FNIP1: variants seen among roughly 807,000 people sequenced by gnomAD.
FNIP1 encodes folliculin-interacting protein 1.
Under a neutral mutation model 124.5 loss-of-function variants are expected in FNIP1, and 40 were observed. That is an observed-to-expected ratio of 0.32 (90% CI 0.25 to 0.42). The LOEUF is 0.42. Among genes scored for constraint, FNIP1 ranks in the 10% least tolerant of loss-of-function variants. The probability of loss-of-function intolerance (pLI) is 1.00; values close to 1 mark genes in which losing one functional copy is unlikely to be tolerated. For synonymous variants in FNIP1, 472 were observed against 470.6 expected, an observed-to-expected ratio of 1.00 and a Z score of -0.04; for missense variants, 1,176 against 1,403.7, an observed-to-expected ratio of 0.84 and a Z score of 2.59.
Position 131,644,280 on chromosome 5 carries a change from GAAATTAA to G in FNIP1, c.*398_*404del, listed in dbSNP as rs1270745568. On this transcript the variant is annotated 3_prime_UTR_variant, in exon 18 of 18. Coordinates refer to ENST00000510461, the MANE Select transcript of FNIP1 (RefSeq NM_133372.3). ...AGGTTTTATAGATCTCTGTACCTTAGAAATTAAAAATTAAAAACTAATGAATAACTAT... is the reference window on the plus strand; with the variant it reads ...AGGTTTTATAGATCTCTGTACCTTAGAAATTAAAAACTAATGAATAACTAT... The G allele has an allele frequency of 3.2e-5, 5 of 154,268 alleles. No individual in the cohort carries two copies. Among genetic ancestry groups the G allele is most frequent in the Admixed American group, 6.5e-5 (1 of 15,330 alleles). 9.6% of individuals were successfully genotyped at this position (154,268 alleles called of 1,614,324 possible). A position where few individuals can be genotyped will look rare whatever the true frequency, so the allele number is the denominator to read the frequency against.
chr5:131,739,561 C>G (rs1770437799), intron 2 of FNIP1, among the ~76,000 whole-genome samples: 1 of 152,074 alleles, frequency 6.6e-6, no homozygotes, highest in Non-Finnish European at 1.5e-5. Flanking sequence ...CGCCCGTAAT[C>G]CCAGCACTTT....
intron 2 of FNIP1, among the ~76,000 whole-genome samples, chr5:131,739,427 C>A (rs755907624): frequency 6.6e-6 from 1 of 152,072 alleles, no homozygotes; most frequent in Non-Finnish European, 1.5e-5. Context: ...TAAGATGATG[C>A]CTTAATCATA....
intron 1 of FNIP1, among the ~76,000 whole-genome samples, chr5:131,788,694 CAAAAAAAAAAA>C (rs10715343): frequency 1.7e-5 from 1 of 58,132 alleles, no homozygotes; most frequent in Non-Finnish European, 3.9e-5. Flanking sequence ...GACTCTGTCT[CAAAAAAAAAAA>C]AAAAAAAAAA....
chr5:131,779,155 A>G (rs1311732006), intron 1 of FNIP1, among the ~76,000 whole-genome samples: 2 of 151,822 alleles, frequency 1.3e-5, no homozygotes, highest in African/African-American at 4.8e-5. Context: ...ATTAAAAAAA[A>G]AAAAAAAGAA....
At chr5:131,685,531 C>T (rs921509194) in intron 11 of FNIP1, among the ~76,000 whole-genome samples, 3 of 150,698 alleles carry the variant, frequency 2.0e-5, no homozygotes, top group Non-Finnish European at 3.0e-5. Context: ...TCACTGCAAC[C>T]TCCGCCTCCG....
Position 131,742,903 on chromosome 5 carries a change from C to G in FNIP1, c.219+1661G>C, listed in dbSNP as rs1770557609. Among the ~76,000 whole-genome samples, 4 of 152,190 alleles carry G rather than the reference C, an allele frequency of 2.6e-5. No individual in the cohort carries two copies. The South Asian group carries it at 8.3e-4, about 32-fold the overall frequency. On this transcript the variant is annotated intron_variant, in intron 2 of 17. Coordinates refer to ENST00000510461, the MANE Select transcript of FNIP1 (RefSeq NM_133372.3). ...TTACAGGATTTTGAAAATAAACTTC[C>G]TAACAGTAATTACAATCGATCAAAA...
chr5:131,666,745 A>G (rs564383140), intron 15 of FNIP1, among the ~76,000 whole-genome samples: 2 of 152,360 alleles, frequency 1.3e-5, no homozygotes, highest in Non-Finnish European at 2.9e-5. Context: ...AAATACTATT[A>G]TTATTATTCA....
chr5:131,698,877 C>G (rs1410150925), intron 11 of FNIP1, 40 bp downstream of exon 11: 1 of 1,514,708 alleles, frequency 6.6e-7, no homozygotes. Flanking sequence ...CCTGTGTACA[C>G]TATGAATTAC....
At position 131,796,997 on chromosome 5, in the gene FNIP1, C is replaced by G; in HGVS notation, c.-76G>C. The G allele has an allele frequency of 1.5e-6, 2 of 1,322,170 alleles. No individual in the cohort carries two copies. The highest frequency in any genetic ancestry group is 2.1e-6 in the Non-Finnish European group (2 of 956,052). The allele number at this position is 1,322,170 out of a possible 1,614,324, so 81.9% of individuals were successfully genotyped here. On this transcript the variant is annotated 5_prime_UTR_variant, in exon 1 of 18. Transcript: ENST00000510461. ...TGCTCCTACAGCCGCCCCGCCACCC[C>G]CATGGGCGCCTCAGTCATATGACAG... is the stretch of plus-strand genomic sequence containing the variant.
chr5:131,690,779 T>A (rs1768453813), intron 11 of FNIP1, among the ~76,000 whole-genome samples: 2 of 152,184 alleles, frequency 1.3e-5, no homozygotes, highest in Non-Finnish European at 2.9e-5. Context: ...GAGGGGCACT[T>A]CATAATGATA....
At position 131,670,506 on chromosome 5, in the gene FNIP1, C is replaced by T. The variant is rs776688754; in HGVS notation, c.3065G>A (p.Arg1022Lys). ...FVLQGIGSDE[R>K]FRQCLMSDLS... ...ATCTGACATCAGACACTGACGGAAC[C>T]TCTCATCACTCCCAATTCCTTGAAG... The change falls in exon 15 of 18, where the codon AGG becomes AAG. Residue 1022 changes from arginine (R) to lysine (K), a missense_variant. Coordinates refer to ENST00000510461, the MANE Select transcript of FNIP1 (RefSeq NM_133372.3). 8.1e-6 allele frequency: 13 copies of T among 1,612,874 alleles called. No homozygotes were observed. The highest frequency in any genetic ancestry group is 4.5e-5 in the East Asian group (2 of 44,838).
rs886138194 is a variant in FNIP1, at chr5:131,694,186, G to C, written c.1202+4731C>G. On this transcript the variant is annotated intron_variant, in intron 11 of 17. Coordinates refer to ENST00000510461, the MANE Select transcript of FNIP1 (RefSeq NM_133372.3). ...ATCATTTCTTACAAAGCTAAACATA[G>C]TTTTTCCATAATATCCAGCAATCAT... is the stretch of plus-strand genomic sequence containing the variant. 3.9e-5 allele frequency among the ~76,000 whole-genome samples: 6 copies of C among 152,116 alleles called. 1 individual carries two copies. Among genetic ancestry groups the C allele is most frequent in the Non-Finnish European group, 8.8e-5 (6 of 68,026 alleles).
chr5:131,653,902 C>A (rs868272853), intron 15 of FNIP1, among the ~76,000 whole-genome samples: 1 of 152,078 alleles, frequency 6.6e-6, no homozygotes, highest in African/African-American at 2.4e-5. Context: ...CCACCACGCC[C>A]GGCTAATTTT....
chr5:131,650,044 C>A (rs531792342), intron 16 of FNIP1, among the ~76,000 whole-genome samples: 1 of 152,274 alleles, frequency 6.6e-6, no homozygotes, highest in Non-Finnish European at 1.5e-5. Context: ...GTTTTGAAAT[C>A]AAGAAATGTG....
intron 1 of FNIP1, among the ~76,000 whole-genome samples, chr5:131,786,907 C>T (rs553760326): frequency 6.6e-6 from 1 of 152,298 alleles, no homozygotes; most frequent in African/African-American, 2.4e-5. Context: ...TATAACAGCA[C>T]ATACTGAACT....
chr5:131,726,329 T>A (rs1413932262), intron 3 of FNIP1, among the ~76,000 whole-genome samples: 1 of 151,936 alleles, frequency 6.6e-6, no homozygotes, highest in Admixed American at 6.6e-5. Context: ...GGTCCTGGAC[T>A]TTTTTTTGGT....
intron 1 of FNIP1, among the ~76,000 whole-genome samples, chr5:131,781,382 A>G (rs1771991609): frequency 6.6e-6 from 1 of 152,274 alleles, no homozygotes; most frequent in Non-Finnish European, 1.5e-5. Flanking sequence ...AGAAGATGCC[A>G]TCTAGGACTT....
chr5:131,776,275 T>C (rs1771800453), intron 1 of FNIP1, among the ~76,000 whole-genome samples: 1 of 152,226 alleles, frequency 6.6e-6, no homozygotes, highest in African/African-American at 2.4e-5. Flanking sequence ...AAACATATAA[T>C]TCTGACACAT....
At chr5:131,657,736 C>CAAAAAAAAAAAAAAAAAAAAAAAAAAAA (rs59097834) in intron 15 of FNIP1, among the ~76,000 whole-genome samples, 1 of 65,056 alleles carries the variant, frequency 1.5e-5, no homozygotes, top group African/African-American at 6.2e-5. Flanking sequence ...GAAAATAAGG[C>CAAAAAAAAAAAAAAAAAAAAAAAAAAAA]AAAAAAAAAA....
Sources: allele counts gnomAD v4.1 joint callset (sites outside exome capture counted in the v4.1 genomes callset), GRCh38; gene constraint gnomAD v4.1.1; transcripts MANE v1.5; gene names NCBI Gene and HGNC (gene_info 2026-07-23, HGNC 2026-07-21).